TLK1: variants seen among roughly 807,000 people sequenced by gnomAD.
TLK1 encodes tousled like kinase 1.
TLK1 carries 24 observed loss-of-function variants against 105.3 expected under a neutral mutation model. The ratio of observed to expected loss-of-function variants is 0.23; its 90% CI spans 0.17 to 0.32. TLK1 has a LOEUF of 0.32. TLK1 is among the 10% of genes least tolerant of loss of function. TLK1 has a pLI of 1.00. For missense variants in TLK1, 558 were observed against 910.5 expected (o/e 0.61, Z 4.98); for synonymous variants, 321 against 310.4 (o/e 1.03, Z -0.36).
chr2:171,176,325 T>C (rs1275461998), intron 1 of TLK1, among the ~76,000 whole-genome samples: 1 of 152,198 alleles, frequency 6.6e-6, no homozygotes, highest in Non-Finnish European at 1.5e-5. Context: ...AAAAACCATC[T>C]CTATGCAGAT....
At chr2:171,097,638 T>C (rs546722052) in intron 2 of TLK1, among the ~76,000 whole-genome samples, 9 of 152,100 alleles carry the variant, frequency 5.9e-5, no homozygotes, top group South Asian at 2.1e-4. Context: ...AATTTAAGAA[T>C]AGGCGGCCGG....
intron 13 of TLK1, 35 bp downstream of exon 13, chr2:171,014,814 AAT>A (rs1685095839): frequency 6.7e-7 from 1 of 1,486,644 alleles, no homozygotes; most frequent in African/African-American, 1.4e-5. Flanking sequence ...GGGTAGTTTT[AAT>A]AATATGAAAC....
At chr2:171,019,869 C>G (rs887894427) in intron 12 of TLK1, among the ~76,000 whole-genome samples, 1 of 151,924 alleles carries the variant, frequency 6.6e-6, no homozygotes, top group Non-Finnish European at 1.5e-5. Flanking sequence ...ACCAGCCTGG[C>G]CAACATGGCA....
intron 18 of TLK1, among the ~76,000 whole-genome samples, chr2:171,004,675 T>C (rs1427470107): frequency 6.6e-6 from 1 of 152,220 alleles, no homozygotes; most frequent in African/African-American, 2.4e-5. Context: ...AATAATTTAT[T>C]GTTTAGAACA....
At chr2:171,175,276 T>C (rs894946598) in intron 1 of TLK1, among the ~76,000 whole-genome samples, 1 of 152,040 alleles carries the variant, frequency 6.6e-6, no homozygotes, top group African/African-American at 2.4e-5. Context: ...TCTATATCCA[T>C]GGATTTAATC....
At chr2:170,998,113 C>G (rs1020559107) in intron 18 of TLK1, among the ~76,000 whole-genome samples, 7 of 151,892 alleles carry the variant, frequency 4.6e-5, no homozygotes, top group Non-Finnish European at 1.5e-5. Flanking sequence ...TACCTACCAC[C>G]TACCTACCTA....
chr2:171,231,191 T>G (rs1303043102), exon 1 of TLK1: 1 of 152,220 alleles, frequency 6.6e-6, no homozygotes, highest in Admixed American at 6.5e-5. Flanking sequence ...CGGGATTGGT[T>G]CTTCCTGGAG....
At chr2:171,213,881 C>A (rs1369326763) in intron 1 of TLK1, among the ~76,000 whole-genome samples, 5 of 148,900 alleles carry the variant, frequency 3.4e-5, no homozygotes, top group African/African-American at 1.2e-4. Flanking sequence ...TGCCACCATG[C>A]CCAGCAATTT....
intron 2 of TLK1, among the ~76,000 whole-genome samples, chr2:171,094,582 T>C (rs1199571698): frequency 6.6e-6 from 1 of 152,130 alleles, no homozygotes; most frequent in Non-Finnish European, 1.5e-5. Context: ...AGATCGACAC[T>C]GTAAGGGCAA....
chr2:171,138,057 T>C (rs963729552), intron 1 of TLK1, among the ~76,000 whole-genome samples: 1 of 152,026 alleles, frequency 6.6e-6, no homozygotes, highest in Non-Finnish European at 1.5e-5. Flanking sequence ...ACAATAAAAT[T>C]ATTGAGAACT....
intron 3 of TLK1, among the ~76,000 whole-genome samples, chr2:171,063,910 T>G (rs1687870959): frequency 6.6e-6 from 1 of 152,346 alleles, no homozygotes; most frequent in East Asian, 1.9e-4. Context: ...AATACTTCAC[T>G]GGATATGCAC....
At chr2:171,027,135 G>A (rs187019094) in intron 12 of TLK1, among the ~76,000 whole-genome samples, 84 of 152,124 alleles carry the variant, frequency 5.5e-4, no homozygotes, top group African/African-American at 2.0e-3. Flanking sequence ...AAACAAATTA[G>A]TATGCAGTGT....
intron 1 of TLK1, among the ~76,000 whole-genome samples, chr2:171,151,315 G>T (rs1692024879): frequency 6.6e-6 from 1 of 151,320 alleles, no homozygotes; most frequent in African/African-American, 2.4e-5. Flanking sequence ...CACTGTGCCT[G>T]GCCCTTGGAT....
intron 2 of TLK1, among the ~76,000 whole-genome samples, chr2:171,089,401 A>C (rs1255776687): frequency 1.3e-5 from 2 of 152,166 alleles, no homozygotes; most frequent in Non-Finnish European, 2.9e-5. Flanking sequence ...TTATTGCTTT[A>C]CCTTTCCCAT....
At chr2:171,167,011 G>A (rs1692621707) in intron 1 of TLK1, among the ~76,000 whole-genome samples, 1 of 152,020 alleles carries the variant, frequency 6.6e-6, no homozygotes, top group Non-Finnish European at 1.5e-5. Flanking sequence ...TATTGTTCAG[G>A]AATACATTAA....
chr2:171,155,042 ATTC>A (rs1480158799), intron 1 of TLK1, among the ~76,000 whole-genome samples: 5 of 152,210 alleles, frequency 3.3e-5, no homozygotes, highest in African/African-American at 7.2e-5. Flanking sequence ...GAGAATTTAA[ATTC>A]TTCATTTTAT....
chr2:171,160,320 G>A lies in TLK1; in HGVS notation c.109C>T (p.His37Tyr), dbSNP rs1390770782. 3 of 1,592,628 alleles carry A rather than the reference G, an allele frequency of 1.9e-6. No homozygotes were observed. Among genetic ancestry groups the A allele is most frequent in the Non-Finnish European group, 2.6e-6 (3 of 1,171,642 alleles). ...CTGGGCCTCCCGGATGGCGGCGTGT[G>A]ATTCAGCAGGGACCTGGCCGCCGCC... The part of the protein sequence containing the change: ...SAAAARSLLN[H>Y]TPPSGRPREG... The change falls in exon 1 of 21, where the codon CAC becomes TAC. Residue 37 changes from histidine to tyrosine, a missense_variant. This residue lies in a region of TLK1 where 104 missense variants were observed against 116.0 expected (regional missense o/e 0.90). Transcript: ENST00000431350. This position sits in a 1 kb window ranked among gnomAD's most constrained non-coding sequence, Gnocchi z 4.4.
intron 14 of TLK1, among the ~76,000 whole-genome samples, chr2:171,011,055 A>C (rs562312234): frequency 6.6e-6 from 1 of 152,270 alleles, no homozygotes; most frequent in South Asian, 2.1e-4. Flanking sequence ...CCCATACTAG[A>C]GTGCAGTGGT....
chr2:171,196,142 A>C (rs1693271273), intron 1 of TLK1, among the ~76,000 whole-genome samples: 1 of 142,626 alleles, frequency 7.0e-6, no homozygotes, highest in Admixed American at 7.2e-5. Flanking sequence ...TTTGAGATGG[A>C]GTCTCACTCT....
Sources: allele counts gnomAD v4.1 joint callset (sites outside exome capture counted in the v4.1 genomes callset), GRCh38; gene constraint gnomAD v4.1.1; regional missense constraint gnomAD v4.1.1; non-coding constraint Gnocchi (gnomAD v3.1); transcripts MANE v1.5; gene names NCBI Gene and HGNC (gene_info 2026-07-23, HGNC 2026-07-21).